PPM1L: variants seen among roughly 807,000 people sequenced by gnomAD.
The protein encoded by PPM1L is protein phosphatase 1L.
Under a neutral mutation model 31.4 loss-of-function variants are expected in PPM1L, and 13 were observed. That is an observed-to-expected ratio of 0.41 (90% CI 0.27 to 0.66). PPM1L has a LOEUF of 0.66. Ranked by LOEUF, PPM1L falls within the 30% of genes least tolerant of loss-of-function variation. PPM1L has a pLI of 0.29. For synonymous variants in PPM1L, 184 were observed against 175.4 expected, an observed-to-expected ratio of 1.05 and a Z score of -0.39; for missense variants, 326 against 453.7, an observed-to-expected ratio of 0.72 and a Z score of 2.56.
At chr3:160,838,486 C>T (rs1156553570) in intron 1 of PPM1L, among the ~76,000 whole-genome samples, 1 of 152,124 alleles carries the variant, frequency 6.6e-6, no homozygotes, top group Non-Finnish European at 1.5e-5. Flanking sequence ...AAGTTATGTT[C>T]AGTCTGTTAT....
chr3:160,996,634 G>C lies in PPM1L; in HGVS notation c.574+34724G>C, dbSNP rs183302723. ...ATGATACAGAGGGCTTTGGGGACCT[G>C]GGGGAGAGGGTGAGAGGGGAGCAAA... On this transcript the variant is annotated intron_variant, in intron 2 of 3. Coordinates refer to ENST00000498165, the MANE Select transcript of PPM1L (RefSeq NM_139245.4). Among the ~76,000 whole-genome samples, 1,097 of 152,218 alleles carry C rather than the reference G, an allele frequency of 7.2e-3. 34 individuals carry two copies. Among genetic ancestry groups the C allele is most frequent in the Non-Finnish European group, 5.7e-3 (391 of 68,010 alleles).
chr3:160,920,391 A>G (rs903616423), intron 1 of PPM1L, among the ~76,000 whole-genome samples: 1 of 152,148 alleles, frequency 6.6e-6, no homozygotes, highest in Non-Finnish European at 1.5e-5. Context: ...CTTTTCTTTC[A>G]CAATGGGGTT....
intron 1 of PPM1L, among the ~76,000 whole-genome samples, chr3:160,947,944 C>T (rs1464300579): frequency 1.3e-5 from 2 of 152,156 alleles, no homozygotes; most frequent in Non-Finnish European, 2.9e-5. Context: ...TCAAGCTCAA[C>T]ACCTAACCAC....
At chr3:160,855,313 T>C (rs1435404732) in intron 1 of PPM1L, among the ~76,000 whole-genome samples, 1 of 152,136 alleles carries the variant, frequency 6.6e-6, no homozygotes. Context: ...ACATAGGCTC[T>C]GGCAAAGATT....
At chr3:160,853,341 T>C (rs1269745281) in intron 1 of PPM1L, among the ~76,000 whole-genome samples, 1 of 152,216 alleles carries the variant, frequency 6.6e-6, no homozygotes, top group Non-Finnish European at 1.5e-5. Flanking sequence ...AGATTTAGAA[T>C]GTTCACTCTA....
chr3:160,897,984 G>A (rs894486137), intron 1 of PPM1L, among the ~76,000 whole-genome samples: 7 of 151,894 alleles, frequency 4.6e-5, no homozygotes, highest in African/African-American at 1.7e-4. Flanking sequence ...TTTAATATAT[G>A]GCATGTACCC....
At chr3:160,874,668 G>T (rs781343046) in intron 1 of PPM1L, among the ~76,000 whole-genome samples, 2 of 152,168 alleles carry the variant, frequency 1.3e-5, no homozygotes, top group Non-Finnish European at 2.9e-5. Context: ...AACCTATGTG[G>T]ATGAATAGAA....
intron 1 of PPM1L, among the ~76,000 whole-genome samples, chr3:160,945,133 CTA>C: frequency 8.6e-6 from 1 of 116,070 alleles, no homozygotes; most frequent in Non-Finnish European, 1.7e-5. Flanking sequence ...ATCTATCTAT[CTA>C]TCTATCTATC....
intron 1 of PPM1L, among the ~76,000 whole-genome samples, chr3:160,888,747 C>T (rs1713024441): frequency 6.6e-6 from 1 of 152,170 alleles, no homozygotes. Context: ...GCATATGGCA[C>T]TTAATCTAAA....
chr3:160,877,136 T>C lies in PPM1L; in HGVS notation c.400-84600T>C, dbSNP rs189378995. Among the ~76,000 whole-genome samples, 34 of 152,360 alleles carry C rather than the reference T, an allele frequency of 2.2e-4. No individual in the cohort carries two copies. In the East Asian group the frequency reaches 6.0e-3, roughly 27 times the overall value. On this transcript the variant is annotated intron_variant, in intron 1 of 3. Coordinates refer to ENST00000498165, the MANE Select transcript of PPM1L (RefSeq NM_139245.4). Reference sequence around the variant, plus strand: ...AGACCTAGATTTAATTTGAATACTCTTCAAAGGTCTATTTATCATTAGCCT... The same window carrying C: ...AGACCTAGATTTAATTTGAATACTCCTCAAAGGTCTATTTATCATTAGCCT...
chr3:160,915,636 A>G lies in PPM1L; in HGVS notation c.400-46100A>G, dbSNP rs536395584. Among the ~76,000 whole-genome samples the G allele has an allele frequency of 5.3e-4, 80 of 152,368 alleles. 1 individual carries two copies. Among genetic ancestry groups the G allele is most frequent in the Admixed American group, 5.2e-3 (79 of 15,306 alleles). The stretch of plus-strand genomic sequence containing the variant: ...AAGCCAAAAGAACAAAGCTGGGGGC[A>G]TCATGCTACCTGACTTCAAACTATA... On this transcript the variant is annotated intron_variant, in intron 1 of 3. Transcript: ENST00000498165.
At chr3:160,829,399 G>C (rs1392661045) in intron 1 of PPM1L, among the ~76,000 whole-genome samples, 3 of 152,088 alleles carry the variant, frequency 2.0e-5, no homozygotes, top group Non-Finnish European at 4.4e-5. Flanking sequence ...TGTCAGAAGT[G>C]ACATTTCCAG....
At chr3:160,784,457 T>C (rs946079034) in intron 1 of PPM1L, among the ~76,000 whole-genome samples, 2 of 151,832 alleles carry the variant, frequency 1.3e-5, no homozygotes, top group African/African-American at 2.4e-5. Flanking sequence ...GGAGCTTTAA[T>C]GGATATTAGA....
At chr3:160,973,951 A>G (rs1202229814) in intron 2 of PPM1L, among the ~76,000 whole-genome samples, 3 of 149,412 alleles carry the variant, frequency 2.0e-5, no homozygotes, top group African/African-American at 4.9e-5. Flanking sequence ...TACATGTGCC[A>G]TGCTGGTGCG....
intron 1 of PPM1L, among the ~76,000 whole-genome samples, chr3:160,879,458 T>A (rs1020631420): frequency 7.9e-5 from 12 of 152,128 alleles, no homozygotes; most frequent in Non-Finnish European, 1.5e-5. Flanking sequence ...CCTCCCCAGT[T>A]GCTATCATTA....
At chr3:160,881,724 C>T (rs1712724811) in intron 1 of PPM1L, among the ~76,000 whole-genome samples, 1 of 152,126 alleles carries the variant, frequency 6.6e-6, no homozygotes, top group African/African-American at 2.4e-5. Context: ...TGTGTCTTAT[C>T]TCCCAAGATG....
chr3:160,916,537 ATT>A (rs1714188187), intron 1 of PPM1L, among the ~76,000 whole-genome samples: 1 of 152,202 alleles, frequency 6.6e-6, no homozygotes, highest in East Asian at 1.9e-4. Context: ...CGATAAAAAT[ATT>A]CTTTTTGTCA....
intron 1 of PPM1L, among the ~76,000 whole-genome samples, chr3:160,864,325 T>C (rs190576437): frequency 4.6e-5 from 7 of 152,062 alleles, no homozygotes; most frequent in Admixed American, 2.6e-4. Context: ...AGCTGGGACT[T>C]ATAGGCACTT....
intron 1 of PPM1L, among the ~76,000 whole-genome samples, chr3:160,786,157 CTGTGTGTG>C (rs1239014226): frequency 1.7e-4 from 12 of 69,198 alleles, no homozygotes; most frequent in African/African-American, 8.2e-4. Flanking sequence ...CTCTCTCTCT[CTGTGTGTG>C]TGTGTGTGTG....
Sources: allele counts gnomAD v4.1 joint callset (sites outside exome capture counted in the v4.1 genomes callset), GRCh38; gene constraint gnomAD v4.1.1; transcripts MANE v1.5; gene names NCBI Gene and HGNC (gene_info 2026-07-23, HGNC 2026-07-21).